DHRSX: variants seen among roughly 807,000 people sequenced by gnomAD.
DHRSX encodes the protein polyprenol dehydrogenase.
In DHRSX, 31 loss-of-function variants were observed where a neutral mutation model predicts 34.0. The ratio of observed to expected loss-of-function variants is 0.91; its 90% CI spans 0.69 to 1.23. The LOEUF is 1.23. Among genes scored for constraint, DHRSX ranks in the 50% most tolerant of loss-of-function variants. The probability of loss-of-function intolerance (pLI) is 0.00; values close to 1 mark genes in which losing one functional copy is unlikely to be tolerated. For missense variants in DHRSX, 414 were observed against 428.1 expected (o/e 0.97, Z 0.29); for synonymous variants, 201 against 183.8 (o/e 1.09, Z -0.76).
At chrX:2,448,922 C>T (rs1043022011) in intron 1 of DHRSX, among the ~76,000 whole-genome samples, 1 of 152,148 alleles carries the variant, frequency 6.6e-6, no homozygotes, top group Non-Finnish European at 1.5e-5. Context: ...GGCGCGGTGG[C>T]TCACGCCTGT....
At chrX:2,493,533 CATT>C (rs890062435) in intron 1 of DHRSX, among the ~76,000 whole-genome samples, 4 of 151,002 alleles carry the variant, frequency 2.6e-5, no homozygotes, top group Admixed American at 2.0e-4. Flanking sequence ...GTTTCAATTC[CATT>C]ATTATTATTA....
chrX:2,324,545 A>C (rs1277917857), intron 3 of DHRSX, among the ~76,000 whole-genome samples: 9 of 152,058 alleles, frequency 5.9e-5, no homozygotes, highest in Admixed American at 5.9e-4. Flanking sequence ...ATAACACTGG[A>C]TAGGACAGAA....
chrX:2,241,917 ACAAG>A (rs2016150410), intron 6 of DHRSX, among the ~76,000 whole-genome samples: 1 of 152,104 alleles, frequency 6.6e-6, no homozygotes. Context: ...CTCAAAAAAA[ACAAG>A]CAAACAAACA....
At chrX:2,465,206 G>A (rs1461712339) in intron 1 of DHRSX, among the ~76,000 whole-genome samples, 1 of 152,066 alleles carries the variant, frequency 6.6e-6, no homozygotes, top group African/African-American at 2.4e-5. Flanking sequence ...GACATTGTGG[G>A]TGTACCACAC....
intron 3 of DHRSX, among the ~76,000 whole-genome samples, chrX:2,317,897 T>C (rs1387566803): frequency 1.3e-5 from 2 of 152,148 alleles, no homozygotes; most frequent in East Asian, 3.9e-4. Context: ...GAAGACAAGT[T>C]GTTAATTTAC....
intron 4 of DHRSX, among the ~76,000 whole-genome samples, chrX:2,275,519 A>C (rs1038463982): frequency 1.3e-5 from 2 of 151,734 alleles, no homozygotes; most frequent in South Asian, 2.1e-4. Context: ...CAAAACAAAA[A>C]AAAAAAAGGT....
In DHRSX at chrX:2,369,334, G is replaced by T. The variant is rs1008863409; in HGVS notation, c.286+39411C>A. On this transcript the variant is annotated intron_variant, in intron 3 of 6. Transcript: ENST00000334651. ...TCTCACCACTAATTGGTGGAGAGAA[G>T]AAAAGAAAATGAGCAAATGAACTCT... Among the ~76,000 whole-genome samples, 21 of 152,178 alleles carry T rather than the reference G, an allele frequency of 1.4e-4. 1 individual carries two copies. The highest frequency in any genetic ancestry group is 1.2e-3 in the Admixed American group (19 of 15,264).
chrX:2,373,358 C>G (rs2043102462), intron 3 of DHRSX, among the ~76,000 whole-genome samples: 1 of 152,116 alleles, frequency 6.6e-6, no homozygotes, highest in Admixed American at 6.5e-5. Context: ...CAGAGGAGAC[C>G]TTTCAAAAGA....
intron 3 of DHRSX, 141 bp downstream of exon 3, chrX:2,408,604 C>A: frequency 2.7e-6 from 2 of 732,196 alleles, no homozygotes; most frequent in South Asian, 1.8e-5. Context: ...CAGAAATCCC[C>A]AAAAGAAGAG....
At chrX:2,240,051 G>C (rs146666630) in intron 6 of DHRSX, among the ~76,000 whole-genome samples, 37 of 151,966 alleles carry the variant, frequency 2.4e-4, no homozygotes, top group Non-Finnish European at 4.7e-4. Context: ...CCATCACTTA[G>C]GAAGGCCGAG....
intron 3 of DHRSX, among the ~76,000 whole-genome samples, chrX:2,340,492 C>T (rs1301661848): frequency 1.3e-5 from 2 of 151,572 alleles, no homozygotes; most frequent in Non-Finnish European, 2.9e-5. Context: ...TCAATATATA[C>T]AATGTCCAAT....
intron 1 of DHRSX, chrX:2,487,322 G>C (rs1242288228): frequency 6.6e-6 from 1 of 152,196 alleles, no homozygotes; most frequent in Non-Finnish European, 1.5e-5. Flanking sequence ...TGGACTTTTA[G>C]GGCTGAGACA....
At chrX:2,223,971 C>A (rs2015577855) in intron 6 of DHRSX, among the ~76,000 whole-genome samples, 1 of 152,200 alleles carries the variant, frequency 6.6e-6, no homozygotes, top group South Asian at 2.1e-4. Context: ...ATGGGGGCCA[C>A]CCTGGGTCCC....
intron 1 of DHRSX, chrX:2,488,933 GC>G: frequency 6.3e-7 from 1 of 1,599,526 alleles, no homozygotes; most frequent in South Asian, 1.1e-5. Flanking sequence ...GGGGAAGAGG[GC>G]CAGGCGGTCT....
rs1467785394 is a variant in DHRSX, at chrX:2,374,453, G to A, written c.286+34292C>T. On this transcript the variant is annotated intron_variant, in intron 3 of 6. Coordinates refer to ENST00000334651, the MANE Select transcript of DHRSX (RefSeq NM_145177.3). ...ATCCAAAAAATAAAAATAGCTGGGT[G>A]AGCAGCCGGGCACAGTGACTCACGC... Among the ~76,000 whole-genome samples the A allele has an allele frequency of 2.0e-5, 3 of 151,118 alleles. No homozygotes were observed. The East Asian group carries it at 5.9e-4, about 30-fold the overall frequency.
intron 1 of DHRSX, among the ~76,000 whole-genome samples, chrX:2,481,615 G>A (rs963576483): frequency 3.3e-5 from 5 of 151,954 alleles, no homozygotes; most frequent in South Asian, 2.1e-4. Context: ...TCTGTGAGCC[G>A]AGATCGTGCC....
intron 3 of DHRSX, among the ~76,000 whole-genome samples, chrX:2,310,834 G>A (rs917135139): frequency 6.6e-6 from 1 of 151,994 alleles, no homozygotes; most frequent in Non-Finnish European, 1.5e-5. Flanking sequence ...GCCGAGGCGG[G>A]TGGATCGCCT....
intron 6 of DHRSX, among the ~76,000 whole-genome samples, chrX:2,237,009 C>T (rs1156926335): frequency 6.6e-6 from 1 of 151,786 alleles, no homozygotes; most frequent in Non-Finnish European, 1.5e-5. Context: ...AGTAACATAT[C>T]GAAACCCCGT....
rs62583720 is a variant in DHRSX, at chrX:2,340,941, C to T, written c.287-49338G>A. Among the ~76,000 whole-genome samples the T allele has an allele frequency of 1.3e-4, 20 of 152,034 alleles. No homozygotes were observed. In the East Asian group the frequency reaches 2.5e-3, roughly 19 times the overall value. On this transcript the variant is annotated intron_variant, in intron 3 of 6. Coordinates refer to ENST00000334651, the MANE Select transcript of DHRSX (RefSeq NM_145177.3). ...AGACGCAAGCATTTGAGCTGAGCAA[C>T]GAATATTGCCTGCATTGCGGAGGAC... is the stretch of plus-strand genomic sequence containing the variant.
Sources: allele counts gnomAD v4.1 joint callset (sites outside exome capture counted in the v4.1 genomes callset), GRCh38; gene constraint gnomAD v4.1.1; transcripts MANE v1.5; gene names NCBI Gene and HGNC (gene_info 2026-07-23, HGNC 2026-07-21).